The following NRXN1 variants were observed in gnomAD, a reference collection of about 807,000 sequenced individuals.
The protein encoded by NRXN1 is neurexin 1, also known as neurexin-1.
Under a neutral mutation model 150.9 loss-of-function variants are expected in NRXN1, and 39 were observed. The observed-to-expected ratio is 0.26, with a 90% CI of 0.20 to 0.34. The LOEUF (loss-of-function observed/expected upper bound fraction) is 0.34. Ranked by LOEUF, NRXN1 falls within the 10% of genes least tolerant of loss-of-function variation. NRXN1 has a pLI of 1.00. For missense variants in NRXN1, 1,815 were observed against 1,949.9 expected (o/e 0.93, Z 1.30); for synonymous variants, 924 against 757.0 (o/e 1.22, Z -3.62).
intron 12 of NRXN1, among the ~76,000 whole-genome samples, chr2:50,522,083 C>T (rs903965752): frequency 3.3e-5 from 5 of 151,996 alleles, no homozygotes; most frequent in African/African-American, 1.2e-4. Context: ...GAGAAGAATA[C>T]AGTAAAGGAA....
Position 50,958,165 on chromosome 2 carries a change from A to C in NRXN1, c.773-32210T>G, listed in dbSNP as rs575342553. Among the ~76,000 whole-genome samples the C allele has an allele frequency of 2.6e-5, 4 of 152,270 alleles. No individual in the cohort carries two copies. In the South Asian group the frequency reaches 6.2e-4, roughly 24 times the overall value. On this transcript the variant is annotated intron_variant, in intron 2 of 22. Coordinates refer to ENST00000401669, the MANE Select transcript of NRXN1 (RefSeq NM_001330078.2). ...GGGACCATTTTCCTGGAATATTTGGAAAGATTTTAATCAGAAAGTGTGGTC... is the reference window on the plus strand; with the variant it reads ...GGGACCATTTTCCTGGAATATTTGGCAAGATTTTAATCAGAAAGTGTGGTC...
rs536215106 is a variant in NRXN1 at position 50,338,619 on chromosome 2, C to G, written c.3365-101649G>C. On this transcript the variant is annotated intron_variant, in intron 17 of 22. Coordinates refer to ENST00000401669, the MANE Select transcript of NRXN1 (RefSeq NM_001330078.2). Reference sequence around the variant, plus strand: ...AAATCATTCATTCAATTAACAAAGACAGAATCTTGAAAAATTTGAAAGCCA... The same window carrying G: ...AAATCATTCATTCAATTAACAAAGAGAGAATCTTGAAAAATTTGAAAGCCA... Among the ~76,000 whole-genome samples, 10 of 150,706 alleles carry G rather than the reference C, an allele frequency of 6.6e-5. No individual in the cohort carries two copies. The South Asian group carries it at 2.1e-3, about 32-fold the overall frequency.
At chr2:50,691,583 T>C (rs1337182980) in intron 5 of NRXN1, among the ~76,000 whole-genome samples, 1 of 152,166 alleles carries the variant, frequency 6.6e-6, no homozygotes, top group Non-Finnish European at 1.5e-5. Flanking sequence ...GTAATGCTTT[T>C]CTATTGTTTT....
intron 5 of NRXN1, among the ~76,000 whole-genome samples, chr2:50,662,445 C>A (rs1359689241): frequency 6.6e-6 from 1 of 152,048 alleles, no homozygotes; most frequent in East Asian, 1.9e-4. Flanking sequence ...AAACCTATTT[C>A]TTCTCTAATT....
At position 50,204,809 on chromosome 2, in the gene NRXN1, T is replaced by C. The variant is rs1240174363; in HGVS notation, c.3546+31980A>G. Among the ~76,000 whole-genome samples the C allele has an allele frequency of 3.9e-5, 6 of 152,016 alleles. No individual in the cohort carries two copies. In the East Asian group the frequency reaches 9.7e-4, roughly 24 times the overall value. On this transcript the variant is annotated intron_variant, in intron 18 of 22. Transcript: ENST00000401669. ...CCAAATGGCAAGCCAATTACATAAA[T>C]GTTTTCTGGCATACCAAAAAAAATC...
intron 19 of NRXN1, among the ~76,000 whole-genome samples, chr2:50,085,705 A>T (rs1698687081): frequency 6.6e-6 from 1 of 151,620 alleles, no homozygotes. Context: ...TTCTATGGTT[A>T]TTATAAGAAA....
At chr2:50,060,690 G>A (rs1387189568) in intron 19 of NRXN1, among the ~76,000 whole-genome samples, 1 of 152,076 alleles carries the variant, frequency 6.6e-6, no homozygotes, top group Non-Finnish European at 1.5e-5. Context: ...TTTTCTCATG[G>A]TGTTCTCATA....
At chr2:50,718,268 G>A (rs1366491137) in intron 5 of NRXN1, among the ~76,000 whole-genome samples, 1 of 151,920 alleles carries the variant, frequency 6.6e-6, no homozygotes, top group East Asian at 1.9e-4. Flanking sequence ...ATAAATCTTG[G>A]GCATAAGTGC....
At chr2:50,536,023 T>C (rs950305530) in intron 10 of NRXN1, among the ~76,000 whole-genome samples, 3 of 152,204 alleles carry the variant, frequency 2.0e-5, no homozygotes, top group African/African-American at 7.2e-5. Context: ...GACCAATGTG[T>C]GTCTGGAGAA....
At chr2:50,794,255 C>A (rs900789470) in intron 5 of NRXN1, among the ~76,000 whole-genome samples, 1 of 152,172 alleles carries the variant, frequency 6.6e-6, no homozygotes, top group South Asian at 2.1e-4. Flanking sequence ...CATCATTTGT[C>A]GGCATCAAAT....
chr2:50,516,532 C>G (rs2092635519), intron 12 of NRXN1, among the ~76,000 whole-genome samples: 1 of 152,132 alleles, frequency 6.6e-6, no homozygotes, highest in Non-Finnish European at 1.5e-5. Context: ...TCTGGGGTAT[C>G]AGAGAAGCTG....
chr2:50,178,832 T>C lies in NRXN1; in HGVS notation c.3546+57957A>G, dbSNP rs556610244. ...GAGCTTTGAGAACCATGTTAGCTTG[T>C]AGCTGCCAAAGACACAAGTAACAGC... On this transcript the variant is annotated intron_variant, in intron 18 of 22. Transcript: ENST00000401669. Among the ~76,000 whole-genome samples the C allele has an allele frequency of 2.0e-5, 3 of 152,242 alleles. No individual in the cohort carries two copies. The South Asian group carries it at 6.2e-4, about 32-fold the overall frequency.
At chr2:50,504,722 G>C (rs2092132652) in intron 13 of NRXN1, among the ~76,000 whole-genome samples, 2 of 152,112 alleles carry the variant, frequency 1.3e-5, no homozygotes. Flanking sequence ...TTACTCTTCA[G>C]TTTAAGTGCA....
At chr2:50,335,828 G>C (rs1234117764) in intron 17 of NRXN1, among the ~76,000 whole-genome samples, 1 of 151,456 alleles carries the variant, frequency 6.6e-6, no homozygotes, top group Non-Finnish European at 1.5e-5. Context: ...AGAATGATAA[G>C]AATGAAATGT....
rs11458761 is a variant in NRXN1, at chr2:50,764,021, C to CTT, written c.833-140408_833-140407dup. 8.0e-3 allele frequency among the ~76,000 whole-genome samples: 1,149 copies of CTT among 142,760 alleles called. 7 individuals are homozygous for CTT. Among genetic ancestry groups the CTT allele is most frequent in the Non-Finnish European group, 0.012 (761 of 65,190 alleles). 93.7% of individuals were successfully genotyped at this position (142,760 alleles called of 152,430 possible). A position where few individuals can be genotyped will look rare whatever the true frequency, so the allele number is the denominator to read the frequency against. On this transcript the variant is annotated intron_variant, in intron 5 of 22. Transcript: ENST00000401669. ...TAAGACTGTGACACATCCGTTGGCC[C>CTT]TTTTTTTTTTTTTGCTAAAGGAGGA... is the stretch of plus-strand genomic sequence containing the variant.
chr2:50,668,412 C>A (rs1406282442), intron 5 of NRXN1, among the ~76,000 whole-genome samples: 1 of 151,800 alleles, frequency 6.6e-6, no homozygotes. Flanking sequence ...GCAATATATT[C>A]TCCAGCCAAA....
At chr2:50,793,473 G>C (rs1441511947) in intron 5 of NRXN1, among the ~76,000 whole-genome samples, 1 of 151,994 alleles carries the variant, frequency 6.6e-6, no homozygotes, top group Non-Finnish European at 1.5e-5. Flanking sequence ...TTCACTAAAG[G>C]GTTAATCAAG....
At chr2:50,380,276 A>ATGTG (rs61041420) in intron 17 of NRXN1, among the ~76,000 whole-genome samples, 58 of 149,796 alleles carry the variant, frequency 3.9e-4, no homozygotes, top group Middle Eastern at 3.4e-3. Flanking sequence ...ATGACCACAT[A>ATGTG]TGTGTGTGTG....
At chr2:50,326,772 C>T (rs2076411723) in intron 17 of NRXN1, among the ~76,000 whole-genome samples, 1 of 152,106 alleles carries the variant, frequency 6.6e-6, no homozygotes, top group South Asian at 2.1e-4. Flanking sequence ...TTTTGTAATT[C>T]CTAGGCTGTT....
Sources: allele counts gnomAD v4.1 joint callset (sites outside exome capture counted in the v4.1 genomes callset), GRCh38; gene constraint gnomAD v4.1.1; transcripts MANE v1.5; gene names NCBI Gene and HGNC (gene_info 2026-07-23, HGNC 2026-07-21).